Variants in ARSG observed in about 807,000 individuals in gnomAD.
The protein encoded by ARSG is ASG.
A neutral mutation model predicts 50.5 loss-of-function variants in ARSG; 37 were observed. The ratio of observed to expected loss-of-function variants is 0.73; its 90% CI spans 0.56 to 0.96. ARSG has a LOEUF of 0.96. Ranked by LOEUF, ARSG falls within the 50% of genes least tolerant of loss-of-function variation. The probability of loss-of-function intolerance (pLI) is 0.00; values close to 1 mark genes in which losing one functional copy is unlikely to be tolerated. For synonymous variants in ARSG, 225 were observed against 254.6 expected, an observed-to-expected ratio of 0.88 and a Z score of 1.11; for missense variants, 629 against 675.3, an observed-to-expected ratio of 0.93 and a Z score of 0.76.
At chr17:68,323,625 T>G (rs2077381796) in intron 2 of ARSG, among the ~76,000 whole-genome samples, 1 of 152,106 alleles carries the variant, frequency 6.6e-6, no homozygotes, top group South Asian at 2.1e-4. Flanking sequence ...TAAATCTAAT[T>G]ACCACCTAAA....
intron 9 of ARSG, among the ~76,000 whole-genome samples, chr17:68,386,733 C>T (rs1343470374): frequency 1.3e-5 from 2 of 152,156 alleles, no homozygotes; most frequent in Non-Finnish European, 2.9e-5. Context: ...GGCCAGGCTG[C>T]ACATGGACAA....
upstream of ARSG, among the ~76,000 whole-genome samples, chr17:68,288,142 G>T (rs1428635741): frequency 2.0e-5 from 3 of 151,398 alleles, no homozygotes; most frequent in Non-Finnish European, 4.4e-5. Flanking sequence ...GATTAAAGGC[G>T]CATGCCACCA....
chr17:68,417,286 T>G (rs2082429817), intron 11 of ARSG, among the ~76,000 whole-genome samples: 1 of 152,178 alleles, frequency 6.6e-6, no homozygotes, highest in Non-Finnish European at 1.5e-5. Flanking sequence ...TAAGCTCTGG[T>G]AAATTAGTTT....
chr17:68,295,671 ATTTT>A (rs56840354), intron 1 of ARSG, among the ~76,000 whole-genome samples: 1 of 114,540 alleles, frequency 8.7e-6, no homozygotes, highest in African/African-American at 4.2e-5. Context: ...TCTAAGACAA[ATTTT>A]TTTTTTTTTT....
chr17:68,402,718 G>A (rs1352268453), intron 11 of ARSG, among the ~76,000 whole-genome samples: 1 of 150,656 alleles, frequency 6.6e-6, no homozygotes, highest in African/African-American at 2.4e-5. Context: ...GTAGAGACAG[G>A]GTTTCACCGT....
rs1460528220 is a variant in ARSG, at chr17:68,385,060, A to G, written c.983-4A>G. ...TGAACCAGCTGCCTCCCCTCCTCTC[A>G]CAGGGGGAAGTCCAGCCAAGCAGAC... On this transcript the variant is annotated splice_region_variant and splice_polypyrimidine_tract_variant and intron_variant, in intron 8 of 11. Transcript: ENST00000621439. 1.9e-6 allele frequency: 3 copies of G among 1,612,922 alleles called. No individual in the cohort carries two copies. The highest frequency in any genetic ancestry group is 3.3e-5 in the Admixed American group (2 of 59,986).
intron 9 of ARSG, among the ~76,000 whole-genome samples, chr17:68,385,655 G>C (rs2080684788): frequency 6.6e-6 from 1 of 152,092 alleles, no homozygotes; most frequent in Non-Finnish European, 1.5e-5. Flanking sequence ...AGAAGGGATT[G>C]GTTGGTTTCA....
intron 1 of ARSG, among the ~76,000 whole-genome samples, chr17:68,260,650 G>A (rs1369861278): frequency 2.6e-5 from 4 of 152,022 alleles, no homozygotes; most frequent in East Asian, 3.9e-4. Flanking sequence ...ACCATGCCCC[G>A]TGTATTTTTT....
At chr17:68,295,102 C>T (rs1317629189) in intron 1 of ARSG, among the ~76,000 whole-genome samples, 1 of 146,356 alleles carries the variant, frequency 6.8e-6, no homozygotes, top group Non-Finnish European at 1.5e-5. Context: ...ACTCTTTCAA[C>T]CTGTGAGTCC....
intron 1 of ARSG, among the ~76,000 whole-genome samples, chr17:68,296,588 G>A (rs1177419394): frequency 4.6e-5 from 7 of 152,092 alleles, no homozygotes; most frequent in Admixed American, 4.6e-4. Flanking sequence ...GGAGTTAGGT[G>A]AGCTTTGTAG....
chr17:68,358,221 AAAAT>A (rs1188453361), intron 6 of ARSG, among the ~76,000 whole-genome samples: 1 of 151,708 alleles, frequency 6.6e-6, no homozygotes, highest in Non-Finnish European at 1.5e-5. Flanking sequence ...TATAAAATGA[AAAAT>A]AAAATAAAAT....
intron 11 of ARSG, among the ~76,000 whole-genome samples, chr17:68,406,670 G>T (rs372154087): frequency 6.6e-6 from 1 of 152,108 alleles, no homozygotes; most frequent in Admixed American, 6.5e-5. Context: ...TTGGCCATTT[G>T]TATACTTTTG....
At chr17:68,343,551 T>C (rs2146255797) in intron 2 of ARSG, 53 bp from the exon 3 acceptor site, 3 of 1,492,092 alleles carry the variant, frequency 2.0e-6, no homozygotes, top group Non-Finnish European at 2.7e-6. Context: ...CCTTTTCTTT[T>C]ACTCTGGCTT....
intron 8 of ARSG, among the ~76,000 whole-genome samples, chr17:68,370,969 C>T (rs2079809871): frequency 7.7e-6 from 1 of 129,884 alleles, no homozygotes; most frequent in African/African-American, 2.5e-5. Context: ...TGTACATTGT[C>T]TCCAGTTCTT....
intron 2 of ARSG, among the ~76,000 whole-genome samples, chr17:68,317,435 A>G (rs1219604081): frequency 6.6e-6 from 1 of 151,080 alleles, no homozygotes; most frequent in Non-Finnish European, 1.5e-5. Context: ...TCAAAGATTG[A>G]CTACATGAAA....
At chr17:68,449,501 G>T in the ARSG span, among the ~76,000 whole-genome samples, 1 of 152,214 alleles carries the variant, frequency 6.6e-6, no homozygotes, top group Non-Finnish European at 1.5e-5. Flanking sequence ...ATGTCGAATT[G>T]TAATCTTCAG....
chr17:68,413,235 TC>T (rs2082122863), intron 11 of ARSG, among the ~76,000 whole-genome samples: 1 of 152,158 alleles, frequency 6.6e-6, no homozygotes, highest in African/African-American at 2.4e-5. Context: ...CTCTGTTTTT[TC>T]CCCATCTTTG....
At chr17:68,365,659 G>A (rs2079513256) in intron 6 of ARSG, among the ~76,000 whole-genome samples, 1 of 152,164 alleles carries the variant, frequency 6.6e-6, no homozygotes, top group African/African-American at 2.4e-5. Flanking sequence ...CCATACACAT[G>A]GTGAGCTGAT....
At position 68,367,980 on chromosome 17, in the gene ARSG, G is replaced by T. The variant is rs1681427524; in HGVS notation, c.705-568G>T. 6.6e-6 allele frequency among the ~76,000 whole-genome samples: 1 copy of T among 152,168 alleles called. No homozygotes were observed. The highest frequency in any genetic ancestry group is 1.5e-5 in the Non-Finnish European group (1 of 68,034). ...AGCTACTCAGGAGGCTGAGGCGGGA[G>T]TATCGCTTGAACCCAGGAGGCGGAA... is the stretch of plus-strand genomic sequence containing the variant. On this transcript the variant is annotated intron_variant, in intron 6 of 11. Coordinates refer to ENST00000621439, the MANE Select transcript of ARSG (RefSeq NM_001267727.2). This position sits in a 1 kb window ranked among gnomAD's most constrained non-coding sequence, Gnocchi z 4.5.
Sources: gnomAD v4.1 joint callset for allele counts (sites outside exome capture counted in the v4.1 genomes callset) on GRCh38, gnomAD v4.1.1 for gene constraint, Gnocchi (gnomAD v3.1) non-coding constraint, MANE v1.5 for transcripts, NCBI Gene and HGNC (gene_info 2026-07-23, HGNC 2026-07-21) for gene names.